Variants in ACBD5 observed in about 807,000 individuals in gnomAD.
The protein encoded by ACBD5 is acyl-CoA-binding domain-containing protein 5.
ACBD5 carries 40 observed loss-of-function variants against 71.8 expected under a neutral mutation model. The observed-to-expected ratio is 0.56, with a 90% CI of 0.43 to 0.72. The LOEUF (loss-of-function observed/expected upper bound fraction) is 0.72, where lower values mean the gene tolerates loss of function less well. Among genes scored for constraint, ACBD5 ranks in the 30% least tolerant of loss-of-function variants. The pLI, the probability that ACBD5 is intolerant of heterozygous loss-of-function variation, is 0.00. For synonymous variants in ACBD5, 229 were observed against 218.6 expected (o/e 1.05, Z -0.42); for missense variants, 559 against 644.5 (o/e 0.87, Z 1.44).
chr10:27,221,409 A>G (rs1421955002), intron 5 of ACBD5, among the ~76,000 whole-genome samples: 1 of 152,216 alleles, frequency 6.6e-6, no homozygotes, highest in Non-Finnish European at 1.5e-5. Context: ...TGAGTTTACC[A>G]AAAAACTTCT....
rs1362127062 is a variant in ACBD5, at chr10:27,230,799, A to AAAG, written c.375+948_375+949insCTT. On this transcript the variant is annotated intron_variant, in intron 4 of 12. Transcript: ENST00000396271. ...GTAACAGAGTGAGACTCCATCTCAA[A>AAAG]AAAAAAAAAAAAAAGACTCTATGAT... Among the ~76,000 whole-genome samples the AAAG allele has an allele frequency of 9.7e-4, 147 of 150,904 alleles. 3 individuals carry two copies. Among genetic ancestry groups the AAAG allele is most frequent in the African/African-American group, 3.2e-3 (133 of 41,288 alleles).
intron 5 of ACBD5, chr10:27,223,115 G>C: frequency 1.4e-6 from 1 of 695,878 alleles, no homozygotes; most frequent in Admixed American, 2.2e-5. Flanking sequence ...AAAACTCCTG[G>C]GTGACAAGAT....
At chr10:27,184,525 T>A (rs1261520951) in intron 13 of ACBD5, among the ~76,000 whole-genome samples, 9 of 147,242 alleles carry the variant, frequency 6.1e-5, no homozygotes, top group Admixed American at 3.4e-4. Flanking sequence ...AGATTGCCAT[T>A]ATAAAAAACA....
At chr10:27,188,002 G>A (rs552640864) in intron 13 of ACBD5, among the ~76,000 whole-genome samples, 6 of 151,854 alleles carry the variant, frequency 4.0e-5, no homozygotes, top group South Asian at 2.1e-4. Context: ...CCCCATTTCC[G>A]GGGGAAAAAA....
chr10:27,191,274 A>T (rs1227949342), downstream of ACBD5, among the ~76,000 whole-genome samples: 3 of 152,202 alleles, frequency 2.0e-5, no homozygotes, highest in Non-Finnish European at 4.4e-5. Context: ...AGACAGTAAA[A>T]GGATCTGTGG....
chr10:27,194,031 A>G (rs1588906420), downstream of ACBD5, among the ~76,000 whole-genome samples: 1 of 152,240 alleles, frequency 6.6e-6, no homozygotes, highest in Middle Eastern at 3.4e-3. Flanking sequence ...CAGGTGAATC[A>G]CCTGAGGTTG....
chr10:27,209,916 T>C (rs1014515364), intron 9 of ACBD5, among the ~76,000 whole-genome samples: 1 of 152,168 alleles, frequency 6.6e-6, no homozygotes, highest in Admixed American at 6.5e-5. Flanking sequence ...ATAGGTAGGA[T>C]GAGTTCAAAT....
At chr10:27,223,140 G>A (rs1044484602) in intron 5 of ACBD5, 198 bp downstream of exon 5, 94 of 711,184 alleles carry the variant, frequency 1.3e-4, no homozygotes, top group Non-Finnish European at 1.8e-4. Context: ...AGTTCTGTAA[G>A]TTTGTGCAGA....
downstream of ACBD5, among the ~76,000 whole-genome samples, chr10:27,192,838 C>T (rs533379197): frequency 1.3e-4 from 20 of 151,680 alleles, no homozygotes; most frequent in South Asian, 4.2e-4. Flanking sequence ...GGCGTGGTGG[C>T]GGGCGCCTGT....
In ACBD5 at chr10:27,210,797, A is replaced by G; in HGVS notation, c.1204+17T>C. On this transcript the variant is annotated intron_variant, in intron 9 of 12. Coordinates refer to ENST00000396271, the MANE Select transcript of ACBD5 (RefSeq NM_145698.5). The stretch of plus-strand genomic sequence containing the variant: ...GTAAATCAATAAAGGTGAGGGAAGA[A>G]AAAAGGTAATCCACACCTCTTCCTC... 6.2e-7 allele frequency: 1 copy of G among 1,614,072 alleles called. No individual in the cohort carries two copies. The highest frequency in any genetic ancestry group is 8.5e-7 in the Non-Finnish European group (1 of 1,179,954).
downstream of ACBD5, among the ~76,000 whole-genome samples, chr10:27,190,284 C>CA (rs1436510404): frequency 6.6e-6 from 1 of 150,544 alleles, no homozygotes; most frequent in African/African-American, 2.4e-5. Context: ...GACTCTGCCT[C>CA]AAAAAAAATT....
rs775522108 is a variant in ACBD5, at chr10:27,205,215, G to C, written c.1438C>G (p.Pro480Ala). The C allele has an allele frequency of 1.2e-6, 2 of 1,613,028 alleles. No homozygotes were observed. Among genetic ancestry groups the C allele is most frequent in the African/African-American group, 2.7e-5 (2 of 74,874 alleles). The change falls in exon 11 of 13, where the codon CCT becomes GCT. Residue 480 changes from proline (P) to alanine (A), a missense_variant. Coordinates refer to ENST00000396271, the MANE Select transcript of ACBD5 (RefSeq NM_145698.5). ...KSSTSTLQTA[P>A]QPTSQRPSWW... The stretch of plus-strand genomic sequence containing the variant: ...TGTCTTACCTGTGAGGTGGGCTGAG[G>C]AGCAGTCTGCAATGTTGATGTTGAT...
chr10:27,183,605 C>A (rs1435772496), intron 13 of ACBD5, among the ~76,000 whole-genome samples: 1 of 152,094 alleles, frequency 6.6e-6, no homozygotes, highest in Admixed American at 6.6e-5. Context: ...AAAAGCATTA[C>A]GTCCCAAAAT....
At chr10:27,192,773 C>A (rs1479676208), downstream of ACBD5, among the ~76,000 whole-genome samples, 1 of 152,084 alleles carries the variant, frequency 6.6e-6, no homozygotes, top group Non-Finnish European at 1.5e-5. Flanking sequence ...AGTTCAAGAC[C>A]AGCCTGGCCA....
At chr10:27,226,144 ACT>A (rs1456821326) in intron 4 of ACBD5, among the ~76,000 whole-genome samples, 2 of 152,030 alleles carry the variant, frequency 1.3e-5, no homozygotes. Flanking sequence ...TGATGAAGTT[ACT>A]CTCTTTGTTT....
At chr10:27,238,931 C>T (rs2065112688) in intron 2 of ACBD5, among the ~76,000 whole-genome samples, 1 of 152,218 alleles carries the variant, frequency 6.6e-6, no homozygotes, top group Non-Finnish European at 1.5e-5. Context: ...GGCGCGGTGG[C>T]TCATGCCTGT....
intron 12 of ACBD5, among the ~76,000 whole-genome samples, chr10:27,201,751 C>T (rs895966309): frequency 6.6e-6 from 1 of 152,132 alleles, no homozygotes; most frequent in Admixed American, 6.6e-5. Flanking sequence ...TGCAGTGAGC[C>T]GAGATCACGC....
intron 10 of ACBD5, among the ~76,000 whole-genome samples, chr10:27,205,627 C>T (rs775326589): frequency 6.6e-6 from 1 of 151,938 alleles, no homozygotes. Context: ...GAGACACGAT[C>T]TTGGCTCACT....
rs150323339 is a variant in ACBD5 at position 27,202,204 on chromosome 10, TC to T, written c.1565+2235del. ...AATGTTAGATTAAAAGATGCCTAAA[TC>T]CCCTCAAGGCTAAAACTTATTTCCA... On this transcript the variant is annotated intron_variant, in intron 12 of 12. Transcript: ENST00000396271. Among the ~76,000 whole-genome samples the T allele has an allele frequency of 3.6e-3, 554 of 152,230 alleles. 3 individuals carry two copies. Among genetic ancestry groups the T allele is most frequent in the Non-Finnish European group, 7.1e-3 (482 of 68,006 alleles).
Sources: allele counts gnomAD v4.1 joint callset (sites outside exome capture counted in the v4.1 genomes callset), GRCh38; gene constraint gnomAD v4.1.1; transcripts MANE v1.5; gene names NCBI Gene and HGNC (gene_info 2026-07-23, HGNC 2026-07-21).